Variants in SMDT1 observed in about 807,000 individuals in gnomAD.
The protein encoded by SMDT1 is single-pass membrane protein with aspartate rich tail 1, also known as essential MCU regulator, mitochondrial.
A neutral mutation model predicts 5.9 loss-of-function variants in SMDT1; 6 were observed. That is an observed-to-expected ratio of 1.03 (90% CI 0.56 to 2.02). The LOEUF (loss-of-function observed/expected upper bound fraction) is 2.02. Among genes scored for constraint, SMDT1 ranks in the 30% most tolerant of loss-of-function variants. The pLI is 0.00. For missense variants in SMDT1, 159 were observed against 145.6 expected (o/e 1.09, Z -0.47); for synonymous variants, 81 against 62.4 (o/e 1.30, Z -1.40).
chr22:42,079,960 T>C lies in SMDT1; in HGVS notation c.186+6T>C, dbSNP rs761581983. On this transcript the variant is annotated splice_donor_region_variant and intron_variant, in intron 1 of 2. Transcript: ENST00000331479. ...TTTTGCCCAAACCGGTGAAAGTGAG[T>C]GTCCTCCTGGAGACGGGGCGAAGGG... is the stretch of plus-strand genomic sequence containing the variant. 3.1e-6 allele frequency: 5 copies of C among 1,602,986 alleles called. No homozygotes were observed. The highest frequency in any genetic ancestry group is 4.3e-6 in the Non-Finnish European group (5 of 1,171,608).
chr22:42,084,244 G>A lies in SMDT1; in HGVS notation c.*1129G>A, dbSNP rs1261248947. The A allele has an allele frequency of 2.6e-5, 4 of 152,288 alleles. No individual in the cohort carries two copies. Among genetic ancestry groups the A allele is most frequent in the South Asian group, 4.2e-4 (2 of 4,818 alleles). The allele number at this position is 152,288 out of a possible 1,614,324, so 9.4% of individuals were successfully genotyped here. On this transcript the variant is annotated 3_prime_UTR_variant, in exon 3 of 3. Coordinates refer to ENST00000331479, the MANE Select transcript of SMDT1 (RefSeq NM_033318.5). Reference sequence around the variant, plus strand: ...CCTCACCCTATGCATCTCTTCAGCTGTATCTTTTGTGATATCCTTTATAAT... The same window carrying A: ...CCTCACCCTATGCATCTCTTCAGCTATATCTTTTGTGATATCCTTTATAAT...
chr22:42,082,739 A>G (rs1669458340), intron 2 of SMDT1, among the ~76,000 whole-genome samples: 1 of 152,184 alleles, frequency 6.6e-6, no homozygotes, highest in Admixed American at 6.5e-5. Flanking sequence ...GCTCCTTCCC[A>G]GAGCTCTGGG....
rs1475407266 is a variant in SMDT1 at position 42,079,712 on chromosome 22, G to C, written c.-57G>C. 6.5e-7 allele frequency: 1 copy of C among 1,536,600 alleles called. No homozygotes were observed. Among genetic ancestry groups the C allele is most frequent in the South Asian group, 1.2e-5 (1 of 84,180 alleles). ...TTCGGGCGGCTTTCTTCCCGAGGGC[G>C]GCACGAGGGCTGGGCGGTGGGGTGC... On this transcript the variant is annotated 5_prime_UTR_variant, in exon 1 of 3. Transcript: ENST00000331479.
rs998474712 is a variant in SMDT1 at position 42,083,419 on chromosome 22, C to G, written c.*304C>G. On this transcript the variant is annotated 3_prime_UTR_variant, in exon 3 of 3. Coordinates refer to ENST00000331479, the MANE Select transcript of SMDT1 (RefSeq NM_033318.5). The stretch of plus-strand genomic sequence containing the variant: ...CCTAGGTTCTAGTTGGTGCAGTTGT[C>G]TCTGCTGTCCTTTATTTATGGGAGA... The G allele has an allele frequency of 6.6e-6, 1 of 152,262 alleles. No homozygotes were observed. Among genetic ancestry groups the G allele is most frequent in the Non-Finnish European group, 1.5e-5 (1 of 68,046 alleles). The allele number at this position is 152,262 out of a possible 1,614,324, so 9.4% of individuals were successfully genotyped here. A position where few individuals can be genotyped will look rare whatever the true frequency, so the allele number is the denominator to read the frequency against.
rs1196651714 is a variant in SMDT1, at chr22:42,079,926, G to C, written c.158G>C (p.Ser53Thr). 2 of 1,613,328 alleles carry C rather than the reference G, an allele frequency of 1.2e-6. No homozygotes were observed. The highest frequency in any genetic ancestry group is 1.7e-6 in the Non-Finnish European group (2 of 1,179,566). The change falls in exon 1 of 3, where the codon AGC (serine) becomes ACC (threonine). Residue 53 changes from serine to threonine, a missense_variant. Coordinates refer to ENST00000331479, the MANE Select transcript of SMDT1 (RefSeq NM_033318.5). ...TCGAGGTCAGTCATCGTTACCCGCA[G>C]CGGCGCCATTTTGCCCAAACCGGTG... ...VPSRSVIVTR[S>T]GAILPKPVKM...
chr22:42,079,904 A>C lies in SMDT1; in HGVS notation c.136A>C (p.Arg46=). The C allele has an allele frequency of 6.2e-7, 1 of 1,613,940 alleles. No individual in the cohort carries two copies. Among genetic ancestry groups the C allele is most frequent in the Non-Finnish European group, 8.5e-7 (1 of 1,179,922 alleles). Residue 46 remains arginine, a synonymous_variant, in exon 1 of 3, where the codon AGG becomes CGG. Coordinates refer to ENST00000331479, the MANE Select transcript of SMDT1 (RefSeq NM_033318.5). ...SGSGRSLVPS[R]SVIVTRSGAI... ...CTCAGGCCGGAGCCTGGTACCGTCG[A>C]GGTCAGTCATCGTTACCCGCAGCGG...
In SMDT1 at chr22:42,081,016, C is replaced by G. The variant is rs112651099; in HGVS notation, c.187-909C>G. 1.8e-4 allele frequency among the ~76,000 whole-genome samples: 28 copies of G among 152,334 alleles called. 1 individual carries two copies. The highest frequency in any genetic ancestry group is 6.5e-4 in the African/African-American group (27 of 41,580). ...GTGTTCAGGCAGAGCTCACCGTAGT[C>G]TGGCCCTCCTAGTACTGGTGCACCC... is the stretch of plus-strand genomic sequence containing the variant. On this transcript the variant is annotated intron_variant, in intron 1 of 2. Transcript: ENST00000331479.
chr22:42,083,542 C>T lies in SMDT1; in HGVS notation c.*427C>T, dbSNP rs1019015222. On this transcript the variant is annotated 3_prime_UTR_variant, in exon 3 of 3. Coordinates refer to ENST00000331479, the MANE Select transcript of SMDT1 (RefSeq NM_033318.5). ...ATTGTTTACAAAAGCCCAACAGAAACTGTGCATTTTCCCTTAAGAAAGCTT... is the reference window on the plus strand; with the variant it reads ...ATTGTTTACAAAAGCCCAACAGAAATTGTGCATTTTCCCTTAAGAAAGCTT... 6.6e-6 allele frequency: 1 copy of T among 152,188 alleles called. No individual in the cohort carries two copies. The highest frequency in any genetic ancestry group is 1.5e-5 in the Non-Finnish European group (1 of 68,032). The allele number at this position is 152,188 out of a possible 1,614,324, so 9.4% of individuals were successfully genotyped here.
chr22:42,081,352 A>C (rs1927768978), intron 1 of SMDT1, among the ~76,000 whole-genome samples: 1 of 152,060 alleles, frequency 6.6e-6, no homozygotes, highest in Non-Finnish European at 1.5e-5. Flanking sequence ...TTTTTAGTAG[A>C]GACGGGGTTT....
chr22:42,079,928 G>C lies in SMDT1; in HGVS notation c.160G>C (p.Gly54Arg). Residue 54 changes from glycine to arginine, a missense_variant, in exon 1 of 3, where the codon GGC (glycine) becomes CGC (arginine). Coordinates refer to ENST00000331479, the MANE Select transcript of SMDT1 (RefSeq NM_033318.5). ...PSRSVIVTRS[G>R]AILPKPVKMS... is the part of the protein sequence containing the mutation. ...GAGGTCAGTCATCGTTACCCGCAGC[G>C]GCGCCATTTTGCCCAAACCGGTGAA... is the stretch of plus-strand genomic sequence containing the variant. The C allele has an allele frequency of 6.2e-7, 1 of 1,613,280 alleles. No homozygotes were observed. The highest frequency in any genetic ancestry group is 8.5e-7 in the Non-Finnish European group (1 of 1,179,516).
chr22:42,079,702 TCCCGAGGGCGG>T lies in SMDT1; in HGVS notation c.-65_-55del. ...CTCGCGAGGCTTCGGGCGGCTTTCT[TCCCGAGGGCGG>T]CACGAGGGCTGGGCGGTGGGGTGCG... On this transcript the variant is annotated 5_prime_UTR_variant, in exon 1 of 3. Transcript: ENST00000331479. 1.3e-6 allele frequency: 2 copies of T among 1,518,082 alleles called. No individual in the cohort carries two copies. The highest frequency in any genetic ancestry group is 4.7e-5 in the East Asian group (2 of 42,508). The allele number at this position is 1,518,082 out of a possible 1,614,324, so 94.0% of individuals were successfully genotyped here. A position where few individuals can be genotyped will look rare whatever the true frequency, so the allele number is the denominator to read the frequency against.
intron 1 of SMDT1, among the ~76,000 whole-genome samples, chr22:42,081,251 C>T (rs148136969): frequency 6.6e-6 from 1 of 151,268 alleles, no homozygotes; most frequent in Non-Finnish European, 1.5e-5. Context: ...CTGCAGCCTC[C>T]GCCTCCCGGG....
In SMDT1 at chr22:42,080,016, A is replaced by C. The variant is rs570290758; in HGVS notation, c.186+62A>C. The C allele has an allele frequency of 3.3e-6, 5 of 1,516,724 alleles. No homozygotes were observed. The African/African-American group carries it at 7.0e-5, about 21-fold the overall frequency. The allele number at this position is 1,516,724 out of a possible 1,614,324, so 94.0% of individuals were successfully genotyped here. A position where few individuals can be genotyped will look rare whatever the true frequency, so the allele number is the denominator to read the frequency against. On this transcript the variant is annotated intron_variant, in intron 1 of 2. Coordinates refer to ENST00000331479, the MANE Select transcript of SMDT1 (RefSeq NM_033318.5). ...GGCCAATCATTGTGGGGAGTGCGTG[A>C]GGGCGGCGCTGATTGATAGGAGCCA... is the stretch of plus-strand genomic sequence containing the variant.
chr22:42,082,233 C>T, intron 2 of SMDT1, 168 bp downstream of exon 2: 1 of 815,182 alleles, frequency 1.2e-6, no homozygotes, highest in Non-Finnish European at 1.9e-6. Flanking sequence ...CGGAGTTTCG[C>T]TCTTGTTGCC....
In SMDT1 at chr22:42,079,902, C is replaced by T. The variant is rs532779033; in HGVS notation, c.134C>T (p.Ser45Leu). 1 of 1,614,002 alleles carries T rather than the reference C, an allele frequency of 6.2e-7. No homozygotes were observed. Among genetic ancestry groups the T allele is most frequent in the Admixed American group, 1.7e-5 (1 of 59,974 alleles). ...GGCTCAGGCCGGAGCCTGGTACCGT[C>T]GAGGTCAGTCATCGTTACCCGCAGC... The part of the protein sequence containing the change: ...WSGSGRSLVP[S>L]RSVIVTRSGA... Residue 45 changes from serine to leucine, a missense_variant, in exon 1 of 3, where the codon TCG becomes TTG. Ser to Leu is a moderately radical substitution (Grantham distance 145). Transcript: ENST00000331479.
rs2146859057 is a variant in SMDT1, at chr22:42,079,727, C to T, written c.-42C>T. ...TCCCGAGGGCGGCACGAGGGCTGGG[C>T]GGTGGGGTGCGGGTGCCCGGGTGAG... On this transcript the variant is annotated 5_prime_UTR_variant, in exon 1 of 3. Transcript: ENST00000331479. 6.4e-7 allele frequency: 1 copy of T among 1,572,996 alleles called. No individual in the cohort carries two copies. Among genetic ancestry groups the T allele is most frequent in the Non-Finnish European group, 8.6e-7 (1 of 1,164,316 alleles).
chr22:42,080,778 C>A (rs1163382068), intron 1 of SMDT1, among the ~76,000 whole-genome samples: 1 of 152,150 alleles, frequency 6.6e-6, no homozygotes, highest in Non-Finnish European at 1.5e-5. Context: ...TTTTTTAATT[C>A]TAGGAATACG....
At chr22:42,082,207 T>A in intron 2 of SMDT1, 142 bp downstream of exon 2, 1 of 1,127,308 alleles carries the variant, frequency 8.9e-7, no homozygotes, top group Non-Finnish European at 1.3e-6. Context: ...TGTTTTCGTT[T>A]GTTTGTTTTT....
At chr22:42,082,864 T>G (rs1272706410) in intron 2 of SMDT1, among the ~76,000 whole-genome samples, 1 of 152,238 alleles carries the variant, frequency 6.6e-6, no homozygotes, top group Non-Finnish European at 1.5e-5. Flanking sequence ...CTCGGTATTA[T>G]GTGGCTAAAC....
Sources: allele counts gnomAD v4.1 joint callset (sites outside exome capture counted in the v4.1 genomes callset), GRCh38; gene constraint gnomAD v4.1.1; transcripts MANE v1.5; gene names NCBI Gene and HGNC (gene_info 2026-07-23, HGNC 2026-07-21).